Variants in TXNL1 observed in about 807,000 individuals in gnomAD.
The protein encoded by TXNL1 is thioredoxin like 1, also known as thioredoxin-like protein 1.
Under a neutral mutation model 35.5 loss-of-function variants are expected in TXNL1, and 14 were observed. The observed-to-expected ratio is 0.39, with a 90% CI of 0.26 to 0.62. The LOEUF is 0.62. Among genes scored for constraint, TXNL1 ranks in the 20% least tolerant of loss-of-function variants. The probability of loss-of-function intolerance (pLI) is 0.47; values close to 1 mark genes in which losing one functional copy is unlikely to be tolerated. For synonymous variants in TXNL1, 110 were observed against 115.5 expected (o/e 0.95, Z 0.31); for missense variants, 263 against 349.7 (o/e 0.75, Z 1.98).
intron 7 of TXNL1, among the ~76,000 whole-genome samples, chr18:56,605,868 A>G (rs184976493): frequency 6.6e-6 from 1 of 152,362 alleles, no homozygotes; most frequent in East Asian, 1.9e-4. Flanking sequence ...AGCTTCTGTC[A>G]GATATCTTAG....
At position 56,638,557 on chromosome 18, in the gene TXNL1, GT is replaced by G. The variant is rs2024496827; in HGVS notation, c.-118del. On this transcript the variant is annotated 5_prime_UTR_variant, in exon 1 of 8. Coordinates refer to ENST00000217515, the MANE Select transcript of TXNL1 (RefSeq NM_004786.3). ...GAAGGCCGAGGCCTGGACAGAAGAG[GT>G]GGCGACCGCCGAGTCTTCTCCCGGG... 3 of 1,027,886 alleles carry G rather than the reference GT, an allele frequency of 2.9e-6. No homozygotes were observed. The highest frequency in any genetic ancestry group is 1.4e-6 in the Non-Finnish European group (1 of 735,162). The allele number at this position is 1,027,886 out of a possible 1,614,324, so 63.7% of individuals were successfully genotyped here. A position where few individuals can be genotyped will look rare whatever the true frequency, so the allele number is the denominator to read the frequency against.
intron 3 of TXNL1, among the ~76,000 whole-genome samples, chr18:56,621,574 C>T (rs781279930): frequency 6.6e-6 from 1 of 152,172 alleles, no homozygotes; most frequent in Non-Finnish European, 1.5e-5. Flanking sequence ...TATTACATTG[C>T]ATAGTTGACA....
At chr18:56,603,104 T>C in intron 7 of TXNL1, 48 bp from the exon 8 acceptor site, 1 of 1,474,492 alleles carries the variant, frequency 6.8e-7, no homozygotes, top group Non-Finnish European at 9.4e-7. Flanking sequence ...TGATTTTAAA[T>C]ATGAGTTATT....
intron 7 of TXNL1, chr18:56,609,675 A>T (rs1238317532): frequency 2.0e-5 from 3 of 152,246 alleles, no homozygotes; most frequent in Non-Finnish European, 4.4e-5. Flanking sequence ...GTCCAATGGC[A>T]TCTAATTCAA....
intron 7 of TXNL1, 116 bp downstream of exon 7, chr18:56,610,872 TCATGA>T (rs1386129769): frequency 4.7e-6 from 3 of 636,988 alleles, no homozygotes; most frequent in Non-Finnish European, 5.1e-6. Flanking sequence ...TTGTAAAATT[TCATGA>T]CATGATATAA....
intron 3 of TXNL1, among the ~76,000 whole-genome samples, chr18:56,623,523 A>G (rs1157844224): frequency 6.6e-6 from 1 of 152,182 alleles, no homozygotes; most frequent in Non-Finnish European, 1.5e-5. Context: ...TAACCAGAGA[A>G]ATTAAAAACT....
intron 4 of TXNL1, 70 bp downstream of exon 4, chr18:56,617,934 T>C (rs1352162108): frequency 1.9e-6 from 3 of 1,565,188 alleles, no homozygotes; most frequent in South Asian, 1.2e-5. Flanking sequence ...AGCCACAAAA[T>C]GGGAACAAGA....
chr18:56,606,123 C>A (rs561414399), intron 7 of TXNL1, among the ~76,000 whole-genome samples: 79 of 152,320 alleles, frequency 5.2e-4, no homozygotes, highest in African/African-American at 1.8e-3. Context: ...CGCCTGTAAT[C>A]CCAGCACTTT....
intron 7 of TXNL1, chr18:56,610,292 A>G (rs1216370318): frequency 6.6e-6 from 1 of 152,344 alleles, no homozygotes; most frequent in Non-Finnish European, 1.5e-5. Context: ...CTCTGGCTGT[A>G]TATTTAAGAG....
Position 56,616,210 on chromosome 18 carries a change from G to T in TXNL1, c.562+35C>A, listed in dbSNP as rs1178469980. On this transcript the variant is annotated intron_variant, in intron 5 of 7. Transcript: ENST00000217515. ...TTTATGCTAACAGTTCTACAAAGCA[G>T]AAGTTAGTTTAAAGAAAAGCTATCC... 4 of 1,572,328 alleles carry T rather than the reference G, an allele frequency of 2.5e-6. No homozygotes were observed. The African/African-American group carries it at 5.4e-5, about 21-fold the overall frequency.
chr18:56,618,781 T>A (rs1344366965), intron 3 of TXNL1, among the ~76,000 whole-genome samples: 1 of 152,008 alleles, frequency 6.6e-6, no homozygotes, highest in African/African-American at 2.4e-5. Flanking sequence ...ATTCTCAATA[T>A]CATTATCACA....
intron 7 of TXNL1, chr18:56,609,114 A>G (rs1040238933): frequency 2.0e-5 from 3 of 152,302 alleles, no homozygotes; most frequent in African/African-American, 7.2e-5. Flanking sequence ...TAAATGGCAA[A>G]TATCAGATAA....
intron 4 of TXNL1, among the ~76,000 whole-genome samples, chr18:56,616,830 C>A (rs924601408): frequency 1.3e-5 from 2 of 152,136 alleles, no homozygotes; most frequent in African/African-American, 4.8e-5. Context: ...TTCCATTCTA[C>A]ATTTACTTGA....
At chr18:56,606,114 G>A (rs1421800135) in intron 7 of TXNL1, among the ~76,000 whole-genome samples, 1 of 152,170 alleles carries the variant, frequency 6.6e-6, no homozygotes, top group Non-Finnish European at 1.5e-5. Context: ...GGTGGCTCAC[G>A]CCTGTAATCC....
intron 3 of TXNL1, among the ~76,000 whole-genome samples, chr18:56,621,630 T>C (rs1454984185): frequency 6.6e-5 from 10 of 152,226 alleles, no homozygotes; most frequent in South Asian, 2.1e-4. Context: ...GAGAAATAAA[T>C]GTTGCTACCT....
intron 1 of TXNL1, among the ~76,000 whole-genome samples, chr18:56,636,923 C>T (rs2024464681): frequency 6.6e-6 from 1 of 152,088 alleles, no homozygotes. Flanking sequence ...AGGTATTCCC[C>T]TATTATTAAG....
At chr18:56,615,733 A>C (rs1222266963) in intron 5 of TXNL1, among the ~76,000 whole-genome samples, 10 of 152,222 alleles carry the variant, frequency 6.6e-5, no homozygotes, top group Admixed American at 2.0e-4. Flanking sequence ...AAAAGGAAAC[A>C]AATTTTAAAA....
At chr18:56,607,113 C>T (rs1215899206) in intron 7 of TXNL1, among the ~76,000 whole-genome samples, 4 of 151,768 alleles carry the variant, frequency 2.6e-5, no homozygotes, top group Admixed American at 2.6e-4. Flanking sequence ...CCTCAGCCTC[C>T]CAGGTAGCTA....
chr18:56,628,290 T>C (rs997791493), intron 1 of TXNL1, among the ~76,000 whole-genome samples: 2 of 152,166 alleles, frequency 1.3e-5, no homozygotes, highest in Non-Finnish European at 2.9e-5. Flanking sequence ...TTAACCATTT[T>C]GGAGGGAAAA....
Sources: allele counts gnomAD v4.1 joint callset (sites outside exome capture counted in the v4.1 genomes callset), GRCh38; gene constraint gnomAD v4.1.1; transcripts MANE v1.5; gene names NCBI Gene and HGNC (gene_info 2026-07-23, HGNC 2026-07-21).